NFATC1: variants seen among roughly 807,000 people sequenced by gnomAD.
NFATC1 encodes the protein nuclear factor of activated T-cells, cytoplasmic 1.
Under a neutral mutation model 76.0 loss-of-function variants are expected in NFATC1, and 22 were observed. The observed-to-expected ratio is 0.29, with a 90% CI of 0.21 to 0.41. The LOEUF (loss-of-function observed/expected upper bound fraction) is 0.41. Ranked by LOEUF, NFATC1 falls within the 10% of genes least tolerant of loss-of-function variation. The pLI, the probability that NFATC1 is intolerant of heterozygous loss-of-function variation, is 1.00. For missense variants in NFATC1, 1,357 were observed against 1,337.7 expected, an observed-to-expected ratio of 1.01 and a Z score of -0.23; for synonymous variants, 704 against 613.1, an observed-to-expected ratio of 1.15 and a Z score of -2.19.
intron 9 of NFATC1, among the ~76,000 whole-genome samples, chr18:79,499,236 A>G (rs920188773): frequency 2.0e-5 from 3 of 152,272 alleles, no homozygotes; most frequent in African/African-American, 7.2e-5. Context: ...ACAGCAAAGC[A>G]AAGTCTTTAC....
In NFATC1 at chr18:79,527,955, G is replaced by A; in HGVS notation, c.*378G>A. Reference sequence around the variant, plus strand: ...TGCCTTATTTAACCAGACCATCAGGGCATCATAGAATTGAGCATTGAATTT... The same window carrying A: ...TGCCTTATTTAACCAGACCATCAGGACATCATAGAATTGAGCATTGAATTT... On this transcript the variant is annotated 3_prime_UTR_variant, in exon 10 of 10. Coordinates refer to ENST00000427363, the MANE Select transcript of NFATC1 (RefSeq NM_001278669.2). 2.4e-6 allele frequency: 1 copy of A among 420,846 alleles called. No individual in the cohort carries two copies. Among genetic ancestry groups the A allele is most frequent in the South Asian group, 1.0e-4 (1 of 9,952 alleles). 26.1% of individuals were successfully genotyped at this position (420,846 alleles called of 1,614,324 possible).
At chr18:79,438,137 G>A (rs1452802164) in intron 3 of NFATC1, among the ~76,000 whole-genome samples, 5 of 152,224 alleles carry the variant, frequency 3.3e-5, no homozygotes, top group South Asian at 4.1e-4. Context: ...GCTGAGCGGC[G>A]TGAGCAGTGC....
chr18:79,526,235 T>C (rs1444511259), intron 9 of NFATC1, among the ~76,000 whole-genome samples: 1 of 152,198 alleles, frequency 6.6e-6, no homozygotes, highest in Non-Finnish European at 1.5e-5. Context: ...GTCGTTATCC[T>C]CCTTAGTGTT....
chr18:79,494,379 G>A (rs1341474760), intron 9 of NFATC1, among the ~76,000 whole-genome samples: 2 of 77,562 alleles, frequency 2.6e-5, no homozygotes, highest in Admixed American at 1.3e-4. Context: ...TGGTACCGCC[G>A]GGGGAAGGCG....
At chr18:79,503,003 C>T (rs2090045933) in intron 9 of NFATC1, among the ~76,000 whole-genome samples, 1 of 152,240 alleles carries the variant, frequency 6.6e-6, no homozygotes, top group Non-Finnish European at 1.5e-5. Context: ...CACACATCCA[C>T]ACAAAGGCTT....
intron 6 of NFATC1, among the ~76,000 whole-genome samples, chr18:79,459,545 C>T (rs1600789563): frequency 6.6e-6 from 1 of 152,258 alleles, no homozygotes; most frequent in East Asian, 1.9e-4. Flanking sequence ...TCAGCACAGT[C>T]ACTGAACCTC....
At chr18:79,487,786 C>T (rs957257175) in intron 9 of NFATC1, among the ~76,000 whole-genome samples, 1 of 151,860 alleles carries the variant, frequency 6.6e-6, no homozygotes, top group Non-Finnish European at 1.5e-5. Context: ...TGATTCCGCT[C>T]GTGTTTTCTG....
intron 6 of NFATC1, among the ~76,000 whole-genome samples, chr18:79,457,957 C>T (rs1239359960): frequency 6.6e-6 from 1 of 152,170 alleles, no homozygotes; most frequent in East Asian, 1.9e-4. Context: ...GGAAGCCCAC[C>T]GTGTGGCTGC....
chr18:79,486,815 C>G lies in NFATC1; in HGVS notation c.2660C>G (p.Ser887Cys), dbSNP rs778938246. 4 of 1,611,500 alleles carry G rather than the reference C, an allele frequency of 2.5e-6. No individual in the cohort carries two copies. Among genetic ancestry groups the G allele is most frequent in the Non-Finnish European group, 3.4e-6 (4 of 1,179,410 alleles). Residue 887 changes from serine to cysteine, a missense_variant, in exon 9 of 10, where the codon TCT becomes TGT. This residue lies in a region of NFATC1 where 424 missense variants were observed against 395.4 expected (regional missense o/e 1.07). Transcript: ENST00000427363. Reference sequence around the variant, plus strand: ...CCGTCCACGGTCCGCAGGGACGAGTCTCCGACTGCCGGGCCACGGCTGCTG... The same window carrying G: ...CCGTCCACGGTCCGCAGGGACGAGTGTCCGACTGCCGGGCCACGGCTGCTG... Reference protein sequence around the residue: ...HLPSTVRRDESPTAGPRLLPE... With the variant: ...HLPSTVRRDECPTAGPRLLPE...
intron 9 of NFATC1, among the ~76,000 whole-genome samples, chr18:79,490,103 C>T (rs1172552647): frequency 6.6e-6 from 1 of 152,098 alleles, no homozygotes; most frequent in Non-Finnish European, 1.5e-5. Context: ...CCCGCCCCCG[C>T]CCCCCCGTGG....
chr18:79,506,586 G>A (rs936692480), intron 9 of NFATC1, among the ~76,000 whole-genome samples: 22 of 152,202 alleles, frequency 1.4e-4, no homozygotes, highest in Admixed American at 6.5e-4. Context: ...AAGCCATCAC[G>A]TCCAACACAC....
At chr18:79,407,681 A>C (rs1600604547) in intron 1 of NFATC1, among the ~76,000 whole-genome samples, 2 of 152,088 alleles carry the variant, frequency 1.3e-5, no homozygotes, top group Admixed American at 6.6e-5. Context: ...CTGACCTCAG[A>C]TGATCCGCCC....
chr18:79,522,012 TG>T (rs1176896494), intron 9 of NFATC1, among the ~76,000 whole-genome samples: 1 of 61,480 alleles, frequency 1.6e-5, no homozygotes, highest in African/African-American at 7.3e-5. Context: ...TGTGCATGTG[TG>T]GGGGGGCGTC....
chr18:79,489,979 T>C (rs2089629631), intron 9 of NFATC1, among the ~76,000 whole-genome samples: 1 of 152,214 alleles, frequency 6.6e-6, no homozygotes, highest in Non-Finnish European at 1.5e-5. Context: ...GTGCAGGTAA[T>C]GTGGTGATGT....
intron 2 of NFATC1, among the ~76,000 whole-genome samples, chr18:79,419,452 G>C (rs2085992102): frequency 7.0e-6 from 1 of 143,608 alleles, no homozygotes; most frequent in African/African-American, 2.6e-5. Context: ...AGCCCCCCTA[G>C]GAGGGCCGGC....
intron 1 of NFATC1, among the ~76,000 whole-genome samples, chr18:79,408,926 C>T (rs1455232881): frequency 1.4e-5 from 2 of 145,200 alleles, no homozygotes; most frequent in East Asian, 4.0e-4. Context: ...TCCATTATTC[C>T]TCCATTCCCT....
intron 2 of NFATC1, among the ~76,000 whole-genome samples, chr18:79,424,829 C>T (rs562516749): frequency 2.2e-5 from 3 of 133,746 alleles, no homozygotes; most frequent in African/African-American, 5.4e-5. Flanking sequence ...CTCTGTCTCT[C>T]TCCATCTCTG....
At chr18:79,470,230 G>A (rs2088722825) in intron 8 of NFATC1, 1 of 155,374 alleles carries the variant, frequency 6.4e-6, no homozygotes, top group African/African-American at 2.4e-5. Flanking sequence ...CAGGACGGGT[G>A]GGTGTGGGTG....
At chr18:79,494,252 G>A (rs1175024788) in intron 9 of NFATC1, among the ~76,000 whole-genome samples, 2 of 148,658 alleles carry the variant, frequency 1.3e-5, no homozygotes, top group Admixed American at 1.3e-4. Context: ...GGCGAGAGCG[G>A]GCACACGCCC....
Sources: gnomAD v4.1 joint callset for allele counts (sites outside exome capture counted in the v4.1 genomes callset) on GRCh38, gnomAD v4.1.1 for gene constraint, gnomAD v4.1.1 regional missense constraint, MANE v1.5 for transcripts, NCBI Gene and HGNC (gene_info 2026-07-23, HGNC 2026-07-21) for gene names.